FER: variants seen among roughly 807,000 people sequenced by gnomAD.
FER encodes the protein tyrosine-protein kinase Fer.
FER carries 63 observed loss-of-function variants against 111.0 expected under a neutral mutation model. That is an observed-to-expected ratio of 0.57 (90% CI 0.46 to 0.70). The LOEUF is 0.70. Among genes scored for constraint, FER ranks in the 30% least tolerant of loss-of-function variants. The pLI, the probability that FER is intolerant of heterozygous loss-of-function variation, is 0.00. For missense variants in FER, 914 were observed against 954.0 expected (o/e 0.96, Z 0.55); for synonymous variants, 327 against 313.9 (o/e 1.04, Z -0.44).
intron 2 of FER, among the ~76,000 whole-genome samples, chr5:108,783,716 G>T (rs1375118230): frequency 5.9e-5 from 9 of 152,056 alleles, no homozygotes; most frequent in African/African-American, 2.2e-4. Context: ...GTATCTAGTG[G>T]CACTAGGGCT....
intron 4 of FER, among the ~76,000 whole-genome samples, chr5:108,834,698 CAAAA>C (rs758205074): frequency 7.7e-5 from 4 of 51,640 alleles, no homozygotes; most frequent in Admixed American, 2.1e-4. Context: ...GATTCTGTCT[CAAAA>C]AAAAAAAAAA....
intron 11 of FER, among the ~76,000 whole-genome samples, chr5:108,953,897 A>G (rs909387327): frequency 2.6e-5 from 4 of 152,114 alleles, no homozygotes; most frequent in Admixed American, 6.6e-5. Context: ...AAAAACAACA[A>G]CAACAACATC....
At chr5:109,027,200 C>G (rs1198922522) in intron 13 of FER, among the ~76,000 whole-genome samples, 1 of 151,924 alleles carries the variant, frequency 6.6e-6, no homozygotes, top group Non-Finnish European at 1.5e-5. Context: ...CTGGACAAAG[C>G]TTGTATTTCC....
At chr5:108,908,669 C>T (rs926292571) in intron 10 of FER, among the ~76,000 whole-genome samples, 16 of 149,674 alleles carry the variant, frequency 1.1e-4, no homozygotes, top group South Asian at 2.1e-4. Context: ...TGCAGTGAGC[C>T]GAGATGGCGC....
At chr5:108,840,908 T>C (rs1248565369) in intron 5 of FER, among the ~76,000 whole-genome samples, 1 of 152,112 alleles carries the variant, frequency 6.6e-6, no homozygotes, top group Non-Finnish European at 1.5e-5. Flanking sequence ...GAATAACCTA[T>C]CCCCCAACAA....
intron 5 of FER, 21 bp downstream of exon 5, chr5:108,835,828 T>C (rs1204715278): frequency 1.4e-6 from 2 of 1,390,350 alleles, no homozygotes; most frequent in Non-Finnish European, 2.0e-6. Context: ...ATTTTAAAAA[T>C]TGTTTACTTA....
chr5:109,074,170 G>T (rs1349743375), intron 16 of FER, among the ~76,000 whole-genome samples: 1 of 152,124 alleles, frequency 6.6e-6, no homozygotes, highest in East Asian at 1.9e-4. Flanking sequence ...GAACTTCTTT[G>T]ATATCACCAT....
At chr5:108,950,267 A>G (rs112442582) in intron 11 of FER, among the ~76,000 whole-genome samples, 1,613 of 152,308 alleles carry the variant, frequency 0.011, 32 homozygotes, top group African/African-American at 0.037. Context: ...TCTGATTAAC[A>G]TGTAATTCTT....
chr5:108,879,164 CTGCTT>C (rs1195353159), intron 8 of FER, among the ~76,000 whole-genome samples: 1 of 151,908 alleles, frequency 6.6e-6, no homozygotes, highest in Non-Finnish European at 1.5e-5. Context: ...TGACTTTTAA[CTGCTT>C]TGCCTTATAA....
intron 14 of FER, among the ~76,000 whole-genome samples, chr5:109,039,525 G>A (rs532542670): frequency 2.0e-4 from 30 of 152,174 alleles, no homozygotes; most frequent in African/African-American, 6.5e-4. Context: ...GATTGGAAGC[G>A]TTACTAGTTG....
chr5:108,834,484 G>C (rs1760392960), intron 4 of FER, among the ~76,000 whole-genome samples: 1 of 151,986 alleles, frequency 6.6e-6, no homozygotes, highest in African/African-American at 2.4e-5. Flanking sequence ...GATCGCCTGA[G>C]GTCAGGAGTT....
intron 2 of FER, among the ~76,000 whole-genome samples, chr5:108,790,814 A>C (rs1396748414): frequency 2.0e-5 from 3 of 152,116 alleles, no homozygotes; most frequent in Admixed American, 6.5e-5. Context: ...TCCTAATTTC[A>C]CCCCACATTT....
intron 13 of FER, among the ~76,000 whole-genome samples, chr5:108,992,709 G>T (rs1408065729): frequency 6.6e-6 from 1 of 151,912 alleles, no homozygotes; most frequent in Non-Finnish European, 1.5e-5. Context: ...GGATGGGGTG[G>T]CTGCTGGGCG....
intron 10 of FER, among the ~76,000 whole-genome samples, chr5:108,933,107 A>T (rs1053780189): frequency 6.6e-6 from 1 of 151,960 alleles, no homozygotes; most frequent in African/African-American, 2.4e-5. Flanking sequence ...ATTAGATCCC[A>T]TTTGTCAATT....
chr5:108,975,426 A>G (rs971104257), intron 13 of FER, among the ~76,000 whole-genome samples: 2 of 152,134 alleles, frequency 1.3e-5, no homozygotes, highest in African/African-American at 2.4e-5. Context: ...ATAAAAATAA[A>G]TTTGTCTTGC....
At chr5:108,840,495 A>G (rs1349967148) in intron 5 of FER, among the ~76,000 whole-genome samples, 1 of 150,676 alleles carries the variant, frequency 6.6e-6, no homozygotes, top group East Asian at 1.9e-4. Flanking sequence ...TAGTCTTTTC[A>G]TCTAGAACAG....
intron 16 of FER, among the ~76,000 whole-genome samples, chr5:109,096,686 G>T (rs1200186320): frequency 6.7e-6 from 1 of 149,674 alleles, no homozygotes; most frequent in African/African-American, 2.5e-5. Context: ...GCCTATTCCT[G>T]AACCAATCAC....
intron 2 of FER, among the ~76,000 whole-genome samples, chr5:108,779,920 C>A (rs1013557841): frequency 1.3e-5 from 2 of 152,132 alleles, no homozygotes; most frequent in African/African-American, 4.8e-5. Context: ...ATCCTTTGTA[C>A]CATTGCTGTT....
chr5:109,059,647 G>A (rs1774125678), intron 16 of FER, among the ~76,000 whole-genome samples: 1 of 152,118 alleles, frequency 6.6e-6, no homozygotes, highest in African/African-American at 2.4e-5. Context: ...TTATTGAAAG[G>A]CAGTAGAGGT....
Sources: gnomAD v4.1 joint callset for allele counts (sites outside exome capture counted in the v4.1 genomes callset) on GRCh38, gnomAD v4.1.1 for gene constraint, MANE v1.5 for transcripts, NCBI Gene and HGNC (gene_info 2026-07-23, HGNC 2026-07-21) for gene names.